The following ZNF106 variants were observed in gnomAD, a reference collection of about 807,000 sequenced individuals.
The protein encoded by ZNF106 is zinc finger protein 106.
A neutral mutation model predicts 195.1 loss-of-function variants in ZNF106; 67 were observed. The observed-to-expected ratio is 0.34, with a 90% CI of 0.28 to 0.42. The LOEUF is 0.42. Among genes scored for constraint, ZNF106 ranks in the 10% least tolerant of loss-of-function variants. The pLI, the probability that ZNF106 is intolerant of heterozygous loss-of-function variation, is 1.00. For synonymous variants in ZNF106, 784 were observed against 818.6 expected (o/e 0.96, Z 0.72); for missense variants, 2,118 against 2,304.5 (o/e 0.92, Z 1.66).
intron 13 of ZNF106, among the ~76,000 whole-genome samples, chr15:42,436,092 T>C (rs1011803488): frequency 1.3e-5 from 2 of 152,032 alleles, no homozygotes; most frequent in Admixed American, 6.6e-5. Context: ...TAGCTGGGAC[T>C]ACAGGTGCCC....
intron 3 of ZNF106, chr15:42,457,564 CT>C (rs1303361954): frequency 9.7e-7 from 1 of 1,029,056 alleles, no homozygotes; most frequent in African/African-American, 1.7e-5. Flanking sequence ...TACATTTAAT[CT>C]TTAGTCTAGA....
intron 5 of ZNF106, 94 bp from the exon 6 acceptor site, chr15:42,448,799 G>T: frequency 7.3e-7 from 1 of 1,362,378 alleles, no homozygotes; most frequent in Non-Finnish European, 9.8e-7. Flanking sequence ...CAAGCACTGA[G>T]GTTATAAAAA....
chr15:42,461,316 C>A (rs2056387454), intron 3 of ZNF106, among the ~76,000 whole-genome samples: 1 of 152,164 alleles, frequency 6.6e-6, no homozygotes, highest in Non-Finnish European at 1.5e-5. Context: ...ATAAAATAAT[C>A]ACGGGGGAAA....
chr15:42,459,230 C>T (rs2056324749), intron 3 of ZNF106, among the ~76,000 whole-genome samples: 1 of 152,114 alleles, frequency 6.6e-6, no homozygotes, highest in African/African-American at 2.4e-5. Context: ...AATTCCAGCA[C>T]TTTGGGAGGC....
intron 12 of ZNF106, among the ~76,000 whole-genome samples, chr15:42,437,978 G>C (rs1424801685): frequency 6.6e-6 from 1 of 151,602 alleles, no homozygotes; most frequent in East Asian, 1.9e-4. Context: ...CTTCCAAAAA[G>C]TTATTTCTTT....
chr15:42,448,799 G>A, intron 5 of ZNF106, 94 bp from the exon 6 acceptor site: 1 of 1,362,380 alleles, frequency 7.3e-7, no homozygotes, highest in South Asian at 1.5e-5. Context: ...CAAGCACTGA[G>A]GTTATAAAAA....
rs566455567 is a variant in ZNF106, at chr15:42,470,515, T to A, written c.54+1721A>T. ...AACTACAACCAGCTTTTCCTTTTTT[T>A]AAAAAAAAGGAAAATAAATAAAAAC... On this transcript the variant is annotated intron_variant, in intron 2 of 21. Transcript: ENST00000564754. Among the ~76,000 whole-genome samples, 56 of 152,034 alleles carry A rather than the reference T, an allele frequency of 3.7e-4. 1 individual carries two copies. The South Asian group carries it at 7.5e-3, about 20-fold the overall frequency.
At chr15:42,454,288 C>A (rs901719669) in intron 4 of ZNF106, among the ~76,000 whole-genome samples, 2 of 152,104 alleles carry the variant, frequency 1.3e-5, no homozygotes, top group African/African-American at 4.8e-5. Flanking sequence ...TAGAAAGTAA[C>A]AAGTATTATT....
chr15:42,487,421 T>C (rs562798414), intron 1 of ZNF106, among the ~76,000 whole-genome samples: 2 of 147,404 alleles, frequency 1.4e-5, no homozygotes, highest in Non-Finnish European at 3.0e-5. Context: ...GGCCAAGGAG[T>C]TTGAGGGTGT....
intron 1 of ZNF106, among the ~76,000 whole-genome samples, chr15:42,483,827 T>C (rs1409045719): frequency 6.6e-6 from 1 of 152,162 alleles, no homozygotes; most frequent in Non-Finnish European, 1.5e-5. Flanking sequence ...TCCCTCTCCC[T>C]GGAAAGCTCT....
At chr15:42,444,554 G>A (rs2055693371) in intron 8 of ZNF106, among the ~76,000 whole-genome samples, 1 of 152,242 alleles carries the variant, frequency 6.6e-6, no homozygotes, top group East Asian at 1.9e-4. Flanking sequence ...CCCCCTGGCT[G>A]TGGATATACC....
intron 3 of ZNF106, 117 bp from the exon 4 acceptor site, chr15:42,457,275 G>A: frequency 6.5e-7 from 1 of 1,541,022 alleles, no homozygotes; most frequent in Non-Finnish European, 8.7e-7. Context: ...TGAAAAATTA[G>A]TGCTAATTAA....
chr15:42,450,887 T>C lies in ZNF106; in HGVS notation c.1385A>G (p.Glu462Gly). The C allele has an allele frequency of 6.2e-7, 1 of 1,614,214 alleles. No homozygotes were observed. Among genetic ancestry groups the C allele is most frequent in the Non-Finnish European group, 8.5e-7 (1 of 1,180,034 alleles). ...CATTTTATTTGGTGTATGCTCTTGT[T>C]CAGGTTTTTCTGCAGTGGGGCACTG... ...VRQCPTAEKP[E>G]QEHTPNKMPS... Residue 462 changes from glutamate (E) to glycine (G), a missense_variant, in exon 5 of 22, where the codon GAA (glutamate) becomes GGA (glycine). Coordinates refer to ENST00000564754, the MANE Select transcript of ZNF106 (RefSeq NM_001366845.3).
intron 3 of ZNF106, among the ~76,000 whole-genome samples, chr15:42,457,875 A>G (rs79757760): frequency 0.015 from 2,264 of 152,318 alleles, 57 homozygotes; most frequent in African/African-American, 0.052. Flanking sequence ...ATGCAAAACC[A>G]GGTTTTTAGT....
At chr15:42,427,684 G>A (rs2054905492) in intron 15 of ZNF106, 1 of 197,274 alleles carries the variant, frequency 5.1e-6, no homozygotes. Context: ...TGTATGTGCT[G>A]TCAAAGTGAG....
rs1595458478 is a variant in ZNF106 at position 42,442,416 on chromosome 15, T to C, written c.3422-2A>G. On this transcript the variant is annotated splice_acceptor_variant, in intron 9 of 21. Coordinates refer to ENST00000564754, the MANE Select transcript of ZNF106 (RefSeq NM_001366845.3). LOFTEE classifies it high-confidence loss of function. ...GGTGCTCAGAAGGTTCATATGTTTCTAGAATGGGAAACATACATACATAGA... is the reference window on the plus strand; with the variant it reads ...GGTGCTCAGAAGGTTCATATGTTTCCAGAATGGGAAACATACATACATAGA... 1 of 1,600,488 alleles carries C rather than the reference T, an allele frequency of 6.2e-7. No individual in the cohort carries two copies. Among genetic ancestry groups the C allele is most frequent in the South Asian group, 1.1e-5 (1 of 90,044 alleles).
At chr15:42,484,818 GA>G (rs886619658) in intron 1 of ZNF106, among the ~76,000 whole-genome samples, 2 of 152,024 alleles carry the variant, frequency 1.3e-5, no homozygotes, top group Non-Finnish European at 2.9e-5. Context: ...CTGAACTAAA[GA>G]AAGCACAGTC....
chr15:42,448,481 T>C lies in ZNF106; in HGVS notation c.2726A>G (p.Asn909Ser). ...AGGTGAAACCATCTGCTGGGGCTCA[T>C]TTTCTTTGCCTGTACCTTCCTCACT... ...FFSEEGTGKENEPQQMVSPSN... is the reference protein window; with the variant it reads ...FFSEEGTGKESEPQQMVSPSN... Residue 909 changes from asparagine to serine, a missense_variant, in exon 6 of 22, where the codon AAT becomes AGT. Physicochemically the swap from Asn to Ser is conservative, Grantham distance 46. Transcript: ENST00000564754. 6.2e-7 allele frequency: 1 copy of C among 1,614,108 alleles called. No homozygotes were observed. The highest frequency in any genetic ancestry group is 1.6e-4 in the Middle Eastern group (1 of 6,062).
At chr15:42,463,062 G>A (rs1318278627) in intron 3 of ZNF106, among the ~76,000 whole-genome samples, 1 of 151,808 alleles carries the variant, frequency 6.6e-6, no homozygotes, top group Non-Finnish European at 1.5e-5. Context: ...GCCTCTCAAA[G>A]TGCTGGGATT....
Sources: allele counts gnomAD v4.1 joint callset (sites outside exome capture counted in the v4.1 genomes callset), GRCh38; gene constraint gnomAD v4.1.1; transcripts MANE v1.5; gene names NCBI Gene and HGNC (gene_info 2026-07-23, HGNC 2026-07-21).